Variants in TBCA observed in about 807,000 individuals in gnomAD.
TBCA encodes tubulin-specific chaperone A.
In TBCA, 6 loss-of-function variants were observed where a neutral mutation model predicts 15.8. That is an observed-to-expected ratio of 0.38 (90% CI 0.21 to 0.75). The LOEUF is 0.75. Ranked by LOEUF, TBCA falls within the 30% of genes least tolerant of loss-of-function variation. The pLI is 0.46. For missense variants in TBCA, 90 were observed against 131.2 expected (o/e 0.69, Z 1.53); for synonymous variants, 32 against 42.3 (o/e 0.76, Z 0.94).
chr5:77,708,164 A>T, intron 2 of TBCA, 78 bp downstream of exon 2: 1 of 905,890 alleles, frequency 1.1e-6, no homozygotes, highest in Non-Finnish European at 1.7e-6. Context: ...TCTCAGTCAG[A>T]GGACTACTGT....
At chr5:77,725,378 G>C (rs1006687145) in intron 1 of TBCA, among the ~76,000 whole-genome samples, 1 of 152,158 alleles carries the variant, frequency 6.6e-6, no homozygotes, top group African/African-American at 2.4e-5. Context: ...AAGTCAGGTG[G>C]TAAATGGACC....
chr5:77,728,410 C>A (rs1289794141), intron 1 of TBCA, among the ~76,000 whole-genome samples: 1 of 151,986 alleles, frequency 6.6e-6, no homozygotes, highest in East Asian at 1.9e-4. Context: ...GTATTTTAAG[C>A]CAGTAGCTGA....
chr5:77,767,896 A>G (rs540878213), intron 1 of TBCA, among the ~76,000 whole-genome samples: 14 of 152,314 alleles, frequency 9.2e-5, no homozygotes, highest in Non-Finnish European at 1.8e-4. Context: ...TTTATTTCCA[A>G]TGCTACAGTA....
intron 1 of TBCA, among the ~76,000 whole-genome samples, chr5:77,747,692 G>C (rs1365447836): frequency 1.3e-5 from 2 of 152,094 alleles, no homozygotes; most frequent in African/African-American, 4.8e-5. Flanking sequence ...AGCTAGCAAG[G>C]TGCTATTGGT....
chr5:77,744,782 C>T (rs911201899), intron 1 of TBCA, among the ~76,000 whole-genome samples: 4 of 152,070 alleles, frequency 2.6e-5, no homozygotes, highest in Non-Finnish European at 5.9e-5. Context: ...GTGATCCACC[C>T]GCTTCGGCCT....
chr5:77,718,390 G>A (rs1386770429), intron 1 of TBCA, among the ~76,000 whole-genome samples: 2 of 152,118 alleles, frequency 1.3e-5, no homozygotes, highest in African/African-American at 4.8e-5. Flanking sequence ...TGCTTCAAAG[G>A]AAACAATATG....
chr5:77,734,896 G>C (rs907300832), intron 1 of TBCA, among the ~76,000 whole-genome samples: 4 of 152,196 alleles, frequency 2.6e-5, no homozygotes, highest in African/African-American at 9.7e-5. Flanking sequence ...AGCCATCAAC[G>C]TTGAGGCAAG....
chr5:77,710,034 G>A (rs1036986908), intron 1 of TBCA, among the ~76,000 whole-genome samples: 2 of 152,206 alleles, frequency 1.3e-5, no homozygotes, highest in African/African-American at 4.8e-5. Flanking sequence ...GATAGCTAAA[G>A]GGTATAAGGT....
chr5:77,713,043 C>T (rs577357013), intron 1 of TBCA, among the ~76,000 whole-genome samples: 1 of 152,136 alleles, frequency 6.6e-6, no homozygotes, highest in East Asian at 1.9e-4. Flanking sequence ...CCTGTAATCC[C>T]AACACTTTGG....
intron 1 of TBCA, among the ~76,000 whole-genome samples, chr5:77,765,447 A>G (rs1384943561): frequency 2.0e-5 from 3 of 152,162 alleles, no homozygotes; most frequent in Non-Finnish European, 2.9e-5. Context: ...GAACACAGAA[A>G]AGGGGGCACT....
At chr5:77,755,023 T>TA (rs1747440706) in intron 1 of TBCA, among the ~76,000 whole-genome samples, 1 of 152,166 alleles carries the variant, frequency 6.6e-6, no homozygotes, top group Non-Finnish European at 1.5e-5. Context: ...AACACACACA[T>TA]ACTCATAAAA....
intron 2 of TBCA, among the ~76,000 whole-genome samples, chr5:77,696,462 A>T (rs1745873431): frequency 6.6e-6 from 1 of 152,226 alleles, no homozygotes; most frequent in African/African-American, 2.4e-5. Flanking sequence ...TTACGCTCTA[A>T]TGTATCAATA....
chr5:77,733,775 A>G (rs1419272141), intron 1 of TBCA, among the ~76,000 whole-genome samples: 1 of 152,250 alleles, frequency 6.6e-6, no homozygotes. Context: ...ATGCTGAACA[A>G]CAGATTTTTC....
In TBCA at chr5:77,757,701, T is replaced by G. The variant is rs371147781; in HGVS notation, c.53+18504A>C. ...CCTCCACTCAGAATCCCTCCCGTGG[T>G]TACCAAACATGAATTCAAAATATCT... On this transcript the variant is annotated intron_variant, in intron 1 of 3. Coordinates refer to ENST00000380377, the MANE Select transcript of TBCA (RefSeq NM_004607.3). 6.4e-4 allele frequency among the ~76,000 whole-genome samples: 98 copies of G among 152,330 alleles called. No homozygotes were observed. In the South Asian group the frequency reaches 0.019, roughly 29 times the overall value.
chr5:77,728,684 T>C (rs1309854050), intron 1 of TBCA, among the ~76,000 whole-genome samples: 1 of 152,184 alleles, frequency 6.6e-6, no homozygotes, highest in East Asian at 1.9e-4. Flanking sequence ...TTATTTTTTA[T>C]TTATTTATTT....
chr5:77,745,072 G>C (rs529490043), intron 1 of TBCA, among the ~76,000 whole-genome samples: 6 of 152,114 alleles, frequency 3.9e-5, no homozygotes, highest in Admixed American at 3.9e-4. Flanking sequence ...CACATGAAGC[G>C]CTTAGCTAAT....
chr5:77,772,441 G>A (rs577960905), intron 1 of TBCA, among the ~76,000 whole-genome samples: 8 of 152,024 alleles, frequency 5.3e-5, no homozygotes, highest in East Asian at 1.9e-4. Context: ...AAAACTGCAC[G>A]TTCAGCACAT....
chr5:77,740,541 C>T (rs1747008393), intron 1 of TBCA, among the ~76,000 whole-genome samples: 1 of 152,076 alleles, frequency 6.6e-6, no homozygotes, highest in African/African-American at 2.4e-5. Context: ...GTACCATTGT[C>T]AGAGATAAGA....
At chr5:77,755,865 G>A (rs1747461820) in intron 1 of TBCA, among the ~76,000 whole-genome samples, 1 of 152,108 alleles carries the variant, frequency 6.6e-6, no homozygotes, top group African/African-American at 2.4e-5. Flanking sequence ...TTAGCTAGGA[G>A]TGGTGGCGCA....
Sources: gnomAD v4.1 joint callset for allele counts (sites outside exome capture counted in the v4.1 genomes callset) on GRCh38, gnomAD v4.1.1 for gene constraint, MANE v1.5 for transcripts, NCBI Gene and HGNC (gene_info 2026-07-23, HGNC 2026-07-21) for gene names.